Variants in SPAST observed in about 807,000 individuals in gnomAD.
SPAST encodes the protein spastic paraplegia 4 (autosomal dominant; spastin).
A neutral mutation model predicts 76.6 loss-of-function variants in SPAST; 30 were observed. That is an observed-to-expected ratio of 0.39 (90% CI 0.29 to 0.53). SPAST has a LOEUF of 0.53. SPAST is among the 20% of genes least tolerant of loss of function. The pLI, the probability that SPAST is intolerant of heterozygous loss-of-function variation, is 0.68. For synonymous variants in SPAST, 305 were observed against 281.0 expected (o/e 1.09, Z -0.86); for missense variants, 717 against 770.5 (o/e 0.93, Z 0.82).
At chr2:32,124,182 T>C (rs1679115628) in intron 7 of SPAST, among the ~76,000 whole-genome samples, 1 of 151,940 alleles carries the variant, frequency 6.6e-6, no homozygotes, top group South Asian at 2.1e-4. Flanking sequence ...AATAAGAAAA[T>C]ATACAACCCA....
intron 12 of SPAST, among the ~76,000 whole-genome samples, chr2:32,137,681 A>G (rs924487791): frequency 4.6e-5 from 7 of 152,278 alleles, no homozygotes; most frequent in African/African-American, 1.4e-4. Context: ...TCTGAATCCA[A>G]ATTGATTTTT....
At chr2:32,153,385 C>A (rs189458026) in intron 16 of SPAST, among the ~76,000 whole-genome samples, 119 of 142,864 alleles carry the variant, frequency 8.3e-4, no homozygotes, top group Non-Finnish European at 1.3e-3. Context: ...TGCAATGGCA[C>A]GATCTCGGCT....
At chr2:32,111,365 C>CTGTATAGCGTATAGA (rs1558320877) in intron 4 of SPAST, among the ~76,000 whole-genome samples, 1 of 123,778 alleles carries the variant, frequency 8.1e-6, no homozygotes, top group Non-Finnish European at 1.7e-5. Flanking sequence ...GTGTGTATAG[C>CTGTATAGCGTATAGA]GTATATATAG....
At position 32,083,773 on chromosome 2, in the gene SPAST, TA is replaced by T. The variant is rs1395487334; in HGVS notation, c.416-3718del. ...TACTATATATATATATATATATATA[TA>T]TATTTTTTTTTTTTTTTGAGATGAA... On this transcript the variant is annotated intron_variant, in intron 1 of 16. Transcript: ENST00000315285. 1.5e-3 allele frequency among the ~76,000 whole-genome samples: 130 copies of T among 84,588 alleles called. 2 individuals carry two copies. The highest frequency in any genetic ancestry group is 3.2e-3 in the African/African-American group (67 of 20,660). 55.5% of individuals were successfully genotyped at this position (84,588 alleles called of 152,430 possible).
intron 7 of SPAST, among the ~76,000 whole-genome samples, chr2:32,117,049 A>G (rs929254043): frequency 3.3e-5 from 5 of 152,058 alleles, no homozygotes; most frequent in Non-Finnish European, 7.4e-5. Flanking sequence ...TCACGAGGTC[A>G]AGAGATTGAG....
At chr2:32,129,291 T>G (rs1286176299) in intron 9 of SPAST, 2 of 151,658 alleles carry the variant, frequency 1.3e-5, no homozygotes, top group African/African-American at 4.8e-5. Flanking sequence ...AGTCTCGCTA[T>G]GTTGCCAGGC....
intron 16 of SPAST, among the ~76,000 whole-genome samples, chr2:32,150,351 A>G (rs776842570): frequency 4.7e-5 from 7 of 150,312 alleles, no homozygotes; most frequent in Admixed American, 6.7e-5. Context: ...TGGCCTCCCA[A>G]AGTGCTAGGG....
At chr2:32,132,346 T>C (rs950322418) in intron 9 of SPAST, among the ~76,000 whole-genome samples, 1 of 152,020 alleles carries the variant, frequency 6.6e-6, no homozygotes, top group Non-Finnish European at 1.5e-5. Context: ...AGCCGAGAGA[T>C]CATGCCACTG....
At chr2:32,073,039 G>A (rs1025933702) in intron 1 of SPAST, among the ~76,000 whole-genome samples, 2 of 152,090 alleles carry the variant, frequency 1.3e-5, no homozygotes, top group Admixed American at 1.3e-4. Flanking sequence ...CAAAAAAGCA[G>A]CCACTGTTAA....
At chr2:32,143,053 C>T (rs1273774587) in intron 13 of SPAST, among the ~76,000 whole-genome samples, 1 of 152,020 alleles carries the variant, frequency 6.6e-6, no homozygotes, top group Non-Finnish European at 1.5e-5. Context: ...ATCGCTTGAG[C>T]CAGGAATTCA....
chr2:32,105,655 C>T (rs998718067), intron 4 of SPAST, among the ~76,000 whole-genome samples: 5 of 152,080 alleles, frequency 3.3e-5, no homozygotes, highest in African/African-American at 1.2e-4. Flanking sequence ...GATGTCCTTT[C>T]TGTTTGTTAA....
At chr2:32,135,213 T>C (rs1414339672) in intron 9 of SPAST, among the ~76,000 whole-genome samples, 11 of 151,046 alleles carry the variant, frequency 7.3e-5, no homozygotes, top group African/African-American at 2.2e-4. Context: ...CACTGCAAGC[T>C]CCACCTCCTG....
chr2:32,149,166 T>C (rs1023420001), intron 16 of SPAST, among the ~76,000 whole-genome samples: 4 of 151,716 alleles, frequency 2.6e-5, no homozygotes, highest in African/African-American at 9.7e-5. Flanking sequence ...CTTGGCTCAC[T>C]GCAGCCTCCA....
At chr2:32,125,699 G>C (rs1414892571) in intron 7 of SPAST, among the ~76,000 whole-genome samples, 4 of 152,090 alleles carry the variant, frequency 2.6e-5, no homozygotes, top group Admixed American at 2.0e-4. Context: ...TTTAGAGAAC[G>C]AAACTCCTGC....
chr2:32,134,418 C>T (rs1285009603), intron 9 of SPAST, among the ~76,000 whole-genome samples: 1 of 151,468 alleles, frequency 6.6e-6, no homozygotes, highest in Admixed American at 6.6e-5. Flanking sequence ...AGGAGAGTTG[C>T]TTGAACCTGG....
intron 4 of SPAST, among the ~76,000 whole-genome samples, chr2:32,099,960 G>A (rs1409718857): frequency 6.6e-6 from 1 of 152,050 alleles, no homozygotes; most frequent in African/African-American, 2.4e-5. Context: ...TGTGAATAGT[G>A]CTGCAGTAAA....
Position 32,063,671 on chromosome 2 carries a change from G to C in SPAST, c.-161G>C, listed in dbSNP as rs1676373640. On this transcript the variant is annotated 5_prime_UTR_variant, in exon 1 of 17. Coordinates refer to ENST00000315285, the MANE Select transcript of SPAST (RefSeq NM_014946.4). ...GTGCTCCTGGCCGAGGAAGGAGAAA[G>C]GGGCGGGGCCGGCGGGCAGCGTGCG... 1.1e-6 allele frequency: 1 copy of C among 911,982 alleles called. No homozygotes were observed. 56.5% of individuals were successfully genotyped at this position (911,982 alleles called of 1,614,324 possible).
intron 2 of SPAST, among the ~76,000 whole-genome samples, chr2:32,089,199 AT>A (rs375585004): frequency 0.031 from 2,755 of 89,866 alleles, 83 homozygotes; most frequent in African/African-American, 0.066. Flanking sequence ...TGCTCGGCTA[AT>A]TTTTTTTTTT....
chr2:32,110,492 TATATATA>T (rs1212974739), intron 4 of SPAST, among the ~76,000 whole-genome samples: 9 of 139,766 alleles, frequency 6.4e-5, no homozygotes, highest in African/African-American at 2.1e-4. Context: ...TATGTAACTA[TATATATA>T]GTATATATAG....
Sources: allele counts gnomAD v4.1 joint callset (sites outside exome capture counted in the v4.1 genomes callset), GRCh38; gene constraint gnomAD v4.1.1; transcripts MANE v1.5; gene names NCBI Gene and HGNC (gene_info 2026-07-23, HGNC 2026-07-21).